The following GAP43 variants were observed in gnomAD, a reference collection of about 807,000 sequenced individuals.
GAP43 encodes growth associated protein 43, also known as neuromodulin.
In GAP43, 6 loss-of-function variants were observed where a neutral mutation model predicts 18.6. That is an observed-to-expected ratio of 0.32 (90% CI 0.18 to 0.64). The LOEUF is 0.64. Among genes scored for constraint, GAP43 ranks in the 30% least tolerant of loss-of-function variants. The probability of loss-of-function intolerance (pLI) is 0.78; values close to 1 mark genes in which losing one functional copy is unlikely to be tolerated. For missense variants in GAP43, 292 were observed against 295.5 expected (o/e 0.99, Z 0.09); for synonymous variants, 115 against 111.4 (o/e 1.03, Z -0.20).
intron 1 of GAP43, among the ~76,000 whole-genome samples, chr3:115,652,356 CTTTTTTT>C (rs71141831): frequency 4.4e-3 from 194 of 43,774 alleles, no homozygotes; most frequent in African/African-American, 0.014. Flanking sequence ...ATCCAGCATT[CTTTTTTT>C]TTTTTTTTTT....
chr3:115,642,539 A>G lies in GAP43; in HGVS notation c.30+18820A>G, dbSNP rs547357691. The stretch of plus-strand genomic sequence containing the variant: ...TAAATAATTTTACTTAATCTCAGGT[A>G]GTATTTTCCTAATTGTTCAAGAATA... On this transcript the variant is annotated intron_variant, in intron 1 of 2. Coordinates refer to ENST00000305124, the MANE Select transcript of GAP43 (RefSeq NM_002045.4). Among the ~76,000 whole-genome samples the G allele has an allele frequency of 1.1e-4, 17 of 152,126 alleles. No homozygotes were observed. In the South Asian group the frequency reaches 1.7e-3, roughly 15 times the overall value.
chr3:115,676,275 C>T lies in GAP43; in HGVS notation c.293C>T (p.Pro98Leu). The T allele has an allele frequency of 1.2e-6, 2 of 1,614,152 alleles. No individual in the cohort carries two copies. Among genetic ancestry groups the T allele is most frequent in the Non-Finnish European group, 8.5e-7 (1 of 1,180,028 alleles). The stretch of plus-strand genomic sequence containing the variant: ...GCAGCCCCAGCCACTGGCTCCAAGC[C>T]TGATGAGCCCGGCAAAGCAGGAGAA... Reference protein sequence around the residue: ...AEAAPATGSKPDEPGKAGETP... With the variant: ...AEAAPATGSKLDEPGKAGETP... The change falls in exon 2 of 3, where the codon CCT becomes CTT. Residue 98 changes from proline (P) to leucine (L), a missense_variant. Physicochemically the swap from Pro to Leu is moderately conservative, Grantham distance 98. Transcript: ENST00000305124.
At chr3:115,662,995 A>G (rs1708684867) in intron 1 of GAP43, among the ~76,000 whole-genome samples, 2 of 152,150 alleles carry the variant, frequency 1.3e-5, no homozygotes, top group Non-Finnish European at 1.5e-5. Flanking sequence ...AATAAAAGGG[A>G]ATTTTCTTTC....
chr3:115,714,349 G>C (rs1709475111), intron 2 of GAP43, among the ~76,000 whole-genome samples: 1 of 152,164 alleles, frequency 6.6e-6, no homozygotes, highest in Admixed American at 6.5e-5. Context: ...TAATCTCTAA[G>C]CTGTCTTTGG....
At chr3:115,697,791 A>G (rs1709215881) in intron 2 of GAP43, among the ~76,000 whole-genome samples, 1 of 151,828 alleles carries the variant, frequency 6.6e-6, no homozygotes, top group Non-Finnish European at 1.5e-5. Context: ...AATGTCTAAC[A>G]AAGAGTCTCT....
At chr3:115,664,094 A>G (rs1708701259) in intron 1 of GAP43, among the ~76,000 whole-genome samples, 1 of 152,086 alleles carries the variant, frequency 6.6e-6, no homozygotes, top group Non-Finnish European at 1.5e-5. Context: ...TTAGAATTGA[A>G]TTAGTTAATA....
chr3:115,721,032 T>G lies in GAP43; in HGVS notation c.*150T>G. ...CCCACCCACTAGCCCTCTTTCTCTC[T>G]GTGTGGCAAACATTTAAAAAAAAAA... is the stretch of plus-strand genomic sequence containing the variant. On this transcript the variant is annotated 3_prime_UTR_variant, in exon 3 of 3. Coordinates refer to ENST00000305124, the MANE Select transcript of GAP43 (RefSeq NM_002045.4). 2.7e-6 allele frequency: 1 copy of G among 372,334 alleles called. No homozygotes were observed. Among genetic ancestry groups the G allele is most frequent in the Non-Finnish European group, 4.9e-6 (1 of 204,558 alleles). 23.1% of individuals were successfully genotyped at this position (372,334 alleles called of 1,614,324 possible).
chr3:115,627,883 TA>T (rs1428810804), intron 1 of GAP43, among the ~76,000 whole-genome samples: 1 of 152,150 alleles, frequency 6.6e-6, no homozygotes, highest in African/African-American at 2.4e-5. Context: ...TTGGGAAGAA[TA>T]TTATACTGTG....
At chr3:115,638,945 T>C (rs1184355812) in intron 1 of GAP43, among the ~76,000 whole-genome samples, 1 of 152,124 alleles carries the variant, frequency 6.6e-6, no homozygotes, top group Non-Finnish European at 1.5e-5. Flanking sequence ...GTCTATCTCT[T>C]TTGCTATACC....
intron 1 of GAP43, among the ~76,000 whole-genome samples, chr3:115,632,810 T>C (rs1314454339): frequency 7.9e-5 from 12 of 152,170 alleles, no homozygotes; most frequent in Non-Finnish European, 1.8e-4. Flanking sequence ...GAAAATAAAC[T>C]GGTGTCCAGA....
chr3:115,690,627 G>A (rs1003536572), intron 2 of GAP43, among the ~76,000 whole-genome samples: 6 of 151,612 alleles, frequency 4.0e-5, no homozygotes, highest in South Asian at 2.1e-4. Context: ...GTATAGAGTA[G>A]GTCCTCAATT....
chr3:115,639,006 G>C (rs1708362995), intron 1 of GAP43, among the ~76,000 whole-genome samples: 1 of 152,070 alleles, frequency 6.6e-6, no homozygotes. Context: ...CTAGTTGAAT[G>C]CTTTGCACAC....
intron 1 of GAP43, among the ~76,000 whole-genome samples, chr3:115,630,991 G>A (rs1438082911): frequency 2.0e-5 from 3 of 152,198 alleles, no homozygotes; most frequent in Non-Finnish European, 4.4e-5. Context: ...TTCTGGGACA[G>A]ACGACCATTT....
At chr3:115,632,638 TTAAAG>T (rs1207821421) in intron 1 of GAP43, among the ~76,000 whole-genome samples, 2 of 152,170 alleles carry the variant, frequency 1.3e-5, no homozygotes, top group African/African-American at 4.8e-5. Flanking sequence ...TAGAAATACT[TTAAAG>T]TATAATAACT....
At chr3:115,675,417 T>C (rs528245418) in intron 1 of GAP43, among the ~76,000 whole-genome samples, 26 of 152,196 alleles carry the variant, frequency 1.7e-4, no homozygotes, top group Non-Finnish European at 3.2e-4. Flanking sequence ...AAAAGGCTGG[T>C]TTAAGTTTGA....
chr3:115,661,826 T>A (rs1351406764), intron 1 of GAP43, among the ~76,000 whole-genome samples: 2 of 141,704 alleles, frequency 1.4e-5, no homozygotes, highest in Non-Finnish European at 3.1e-5. Context: ...GGGGAGAAAC[T>A]AGGGCTTTTT....
At chr3:115,698,282 AATATAATATATATAT>A (rs1709247136) in intron 2 of GAP43, among the ~76,000 whole-genome samples, 17 of 1,386 alleles carry the variant, frequency 0.012, no homozygotes, top group South Asian at 0.075. Context: ...ATTATATATA[AATATAATATATATAT>A]TATATATAAA....
chr3:115,631,690 G>A (rs1708261195), intron 1 of GAP43, among the ~76,000 whole-genome samples: 1 of 151,974 alleles, frequency 6.6e-6, no homozygotes, highest in Non-Finnish European at 1.5e-5. Flanking sequence ...GTGTGATCTC[G>A]ACTCACTGCA....
chr3:115,694,901 A>G (rs1709165314), intron 2 of GAP43, among the ~76,000 whole-genome samples: 1 of 152,218 alleles, frequency 6.6e-6, no homozygotes, highest in Non-Finnish European at 1.5e-5. Flanking sequence ...TAAAACATAC[A>G]CAACATTAGA....
Sources: allele counts gnomAD v4.1 joint callset (sites outside exome capture counted in the v4.1 genomes callset), GRCh38; gene constraint gnomAD v4.1.1; transcripts MANE v1.5; gene names NCBI Gene and HGNC (gene_info 2026-07-23, HGNC 2026-07-21).